MROH9: variants seen among roughly 807,000 people sequenced by gnomAD.
The protein encoded by MROH9 is maestro heat like repeat family member 9.
A neutral mutation model predicts 98.2 loss-of-function variants in MROH9; 92 were observed. That is an observed-to-expected ratio of 0.94 (90% CI 0.79 to 1.11). The LOEUF is 1.11. Among genes scored for constraint, MROH9 ranks in the 50% most tolerant of loss-of-function variants. MROH9 has a pLI of 0.00. For missense variants in MROH9, 1,057 were observed against 1,014.8 expected (o/e 1.04, Z -0.57); for synonymous variants, 397 against 368.9 (o/e 1.08, Z -0.87).
chr1:171,040,764 G>A (rs1653270241), intron 20 of MROH9, among the ~76,000 whole-genome samples: 1 of 151,978 alleles, frequency 6.6e-6, no homozygotes. Context: ...TCTAGCATAT[G>A]GCAGTTGTTC....
chr1:170,989,033 A>G (rs969561737), intron 10 of MROH9, among the ~76,000 whole-genome samples: 8 of 152,118 alleles, frequency 5.3e-5, no homozygotes, highest in Non-Finnish European at 7.4e-5. Context: ...TAACATTTAT[A>G]ATTTTTTCTT....
At position 171,027,783 on chromosome 1, in the gene MROH9, T is replaced by A. The variant is rs370485548; in HGVS notation, c.2281+2363T>A. 2.0e-5 allele frequency among the ~76,000 whole-genome samples: 3 copies of A among 152,242 alleles called. No individual in the cohort carries two copies. The East Asian group carries it at 5.8e-4, about 29-fold the overall frequency. Reference sequence around the variant, plus strand: ...GAGATGGTATCTCATTATAGTTTGATTTGCATTTCTCTAATGATCAGTGAT... The same window carrying A: ...GAGATGGTATCTCATTATAGTTTGAATTGCATTTCTCTAATGATCAGTGAT... On this transcript the variant is annotated intron_variant, in intron 20 of 21. Coordinates refer to ENST00000367759, the MANE Select transcript of MROH9 (RefSeq NM_001163629.2).
intron 8 of MROH9, among the ~76,000 whole-genome samples, chr1:170,973,389 T>C (rs1476369276): frequency 1.3e-5 from 2 of 152,082 alleles, no homozygotes; most frequent in African/African-American, 4.8e-5. Context: ...TTTTGTCTCA[T>C]TAGGAGAAAA....
intron 3 of MROH9, among the ~76,000 whole-genome samples, chr1:170,951,381 C>T (rs940780866): frequency 2.0e-5 from 3 of 152,058 alleles, no homozygotes; most frequent in African/African-American, 7.2e-5. Context: ...CATTCCAGGC[C>T]TTAATTTGTT....
intron 3 of MROH9, among the ~76,000 whole-genome samples, chr1:170,956,915 A>G (rs1008694822): frequency 6.6e-6 from 1 of 151,480 alleles, no homozygotes; most frequent in African/African-American, 2.4e-5. Flanking sequence ...GAGAGTGGGC[A>G]TCCTTGTCTT....
chr1:171,019,131 C>T (rs932602742), intron 17 of MROH9, among the ~76,000 whole-genome samples: 5 of 152,322 alleles, frequency 3.3e-5, no homozygotes, highest in Admixed American at 3.3e-4. Flanking sequence ...AAACACAGTG[C>T]AATCACATTA....
chr1:171,037,853 A>G (rs72710586), intron 20 of MROH9, among the ~76,000 whole-genome samples: 13,585 of 152,098 alleles, frequency 0.089, 759 homozygotes, highest in Middle Eastern at 0.22. Flanking sequence ...TGTTTGTTAA[A>G]TGACATTGGG....
At chr1:170,936,380 T>C (rs1476493407) in intron 1 of MROH9, among the ~76,000 whole-genome samples, 1 of 152,148 alleles carries the variant, frequency 6.6e-6, no homozygotes, top group Non-Finnish European at 1.5e-5. Flanking sequence ...CCAAGTCAAG[T>C]AGTCAGGCAA....
intron 15 of MROH9, among the ~76,000 whole-genome samples, chr1:171,007,157 C>T (rs1651988198): frequency 6.6e-6 from 1 of 152,188 alleles, no homozygotes; most frequent in Non-Finnish European, 1.5e-5. Context: ...CTAATGCCTC[C>T]AGAATTGTAG....
intron 17 of MROH9, among the ~76,000 whole-genome samples, chr1:171,018,723 G>T (rs961543936): frequency 6.6e-6 from 1 of 152,290 alleles, no homozygotes; most frequent in South Asian, 2.1e-4. Flanking sequence ...TGACCTGATG[G>T]AGCTGAAAAA....
chr1:171,036,148 T>C (rs1653091561), intron 20 of MROH9, among the ~76,000 whole-genome samples: 1 of 152,098 alleles, frequency 6.6e-6, no homozygotes, highest in African/African-American at 2.4e-5. Context: ...TACAATTCCA[T>C]TGATATAAAA....
intron 1 of MROH9, among the ~76,000 whole-genome samples, chr1:170,937,736 G>A (rs927995054): frequency 7.2e-5 from 11 of 151,848 alleles, no homozygotes; most frequent in Admixed American, 1.3e-4. Context: ...TTTTAGCCGG[G>A]ATGGTCTCGA....
At chr1:171,017,035 G>A (rs77409347) in intron 17 of MROH9, among the ~76,000 whole-genome samples, 1,876 of 152,148 alleles carry the variant, frequency 0.012, 17 homozygotes, top group Middle Eastern at 0.037. Context: ...GTTCAATGAA[G>A]AAAAGCACAG....
intron 17 of MROH9, among the ~76,000 whole-genome samples, chr1:171,018,669 G>C (rs953587668): frequency 6.6e-6 from 1 of 152,202 alleles, no homozygotes; most frequent in Non-Finnish European, 1.5e-5. Flanking sequence ...TAAAAGGTTA[G>C]AGGAGCTGCT....
intron 1 of MROH9, among the ~76,000 whole-genome samples, chr1:170,943,433 A>G (rs1463792120): frequency 6.6e-6 from 1 of 152,020 alleles, no homozygotes; most frequent in Non-Finnish European, 1.5e-5. Context: ...ATATCACTAA[A>G]GAAGAGAACC....
chr1:170,989,713 T>C (rs548973657), intron 10 of MROH9, 142 bp from the exon 11 acceptor site: 2 of 615,178 alleles, frequency 3.3e-6, no homozygotes, highest in Non-Finnish European at 5.5e-6. Flanking sequence ...GTAAATATGC[T>C]TTCTACTAGT....
chr1:170,995,068 C>T (rs184509862), intron 12 of MROH9, among the ~76,000 whole-genome samples: 2 of 152,138 alleles, frequency 1.3e-5, no homozygotes, highest in East Asian at 3.9e-4. Flanking sequence ...ATTAGTATGA[C>T]TGCTCTTCAT....
At chr1:170,938,592 C>A (rs183026378) in intron 1 of MROH9, among the ~76,000 whole-genome samples, 3 of 152,326 alleles carry the variant, frequency 2.0e-5, no homozygotes, top group African/African-American at 7.2e-5. Context: ...AATTGCCCCA[C>A]TTCTTTGGCT....
At chr1:170,972,638 C>T (rs187702786) in intron 8 of MROH9, among the ~76,000 whole-genome samples, 1 of 151,612 alleles carries the variant, frequency 6.6e-6, no homozygotes, top group African/African-American at 2.4e-5. Flanking sequence ...GTGAAACCCC[C>T]TCTCTACTAA....
Sources: allele counts gnomAD v4.1 joint callset (sites outside exome capture counted in the v4.1 genomes callset), GRCh38; gene constraint gnomAD v4.1.1; transcripts MANE v1.5; gene names NCBI Gene and HGNC (gene_info 2026-07-23, HGNC 2026-07-21).